HRK: variants seen among roughly 807,000 people sequenced by gnomAD.
The protein encoded by HRK is activator of apoptosis harakiri.
Under a neutral mutation model 5.9 loss-of-function variants are expected in HRK, and 6 were observed. That is an observed-to-expected ratio of 1.02 (90% confidence interval 0.56 to 2.01). The LOEUF (loss-of-function observed/expected upper bound fraction) is 2.01. Among genes scored for constraint, HRK ranks in the 30% most tolerant of loss-of-function variants. The pLI, the probability that HRK is intolerant of heterozygous loss-of-function variation, is 0.00. For missense variants in HRK, 133 were observed against 128.3 expected (o/e 1.04, Z -0.18); for synonymous variants, 85 against 65.1 (o/e 1.31, Z -1.47).
At chr12:116,861,554 G>A (rs1276520994) in intron 1 of HRK, 88 bp from the exon 2 acceptor site, 5 of 152,226 alleles carry the variant, frequency 3.3e-5, no homozygotes, top group South Asian at 2.1e-4. Context: ...GCTCAGCCCC[G>A]GATGTCGGGA....
chr12:116,877,922 T>C (rs1565885819), intron 1 of HRK, among the ~76,000 whole-genome samples: 1 of 152,240 alleles, frequency 6.6e-6, no homozygotes, highest in Non-Finnish European at 1.5e-5. Context: ...TAAATTATTA[T>C]TGAGATGGAG....
chr12:116,863,510 C>G (rs1878437172), intron 1 of HRK, among the ~76,000 whole-genome samples: 1 of 152,196 alleles, frequency 6.6e-6, no homozygotes. Context: ...CCTGCCCACG[C>G]CTTTGCTGTT....
intron 1 of HRK, among the ~76,000 whole-genome samples, chr12:116,877,217 ATTTTT>A (rs377267721): frequency 2.1e-5 from 3 of 143,268 alleles, no homozygotes; most frequent in Non-Finnish European, 4.6e-5. Flanking sequence ...TGCCCAGCTA[ATTTTT>A]TTTTTTTTTT....
At chr12:116,880,906 C>T (rs1055369898) in intron 1 of HRK, 70 bp downstream of exon 1, 6 of 635,086 alleles carry the variant, frequency 9.4e-6, no homozygotes, top group African/African-American at 3.9e-5. Context: ...CACTCTCCCG[C>T]TCCCGGGCCA....
rs1267020346 is a variant in HRK, at chr12:116,860,050, T to A, written c.*1473A>T. The stretch of plus-strand genomic sequence containing the variant: ...GCTAACCAGCCTGCTGGACCCTCTG[T>A]CTATAGGTACCGGGTGGTGACCTGC... On this transcript the variant is annotated 3_prime_UTR_variant, in exon 2 of 2. Transcript: ENST00000257572. The A allele has an allele frequency of 6.6e-6, 1 of 152,248 alleles. No homozygotes were observed. Among genetic ancestry groups the A allele is most frequent in the Non-Finnish European group, 1.5e-5 (1 of 68,064 alleles). The allele number at this position is 152,248 out of a possible 1,614,324, so 9.4% of individuals were successfully genotyped here.
Position 116,857,205 on chromosome 12 carries a change from C to T in HRK, c.*4318G>A, listed in dbSNP as rs1878182718. The T allele has an allele frequency of 6.6e-6, 1 of 152,350 alleles. No homozygotes were observed. Among genetic ancestry groups the T allele is most frequent in the East Asian group, 1.9e-4 (1 of 5,184 alleles). 9.4% of individuals were successfully genotyped at this position (152,350 alleles called of 1,614,324 possible). A position where few individuals can be genotyped will look rare whatever the true frequency, so the allele number is the denominator to read the frequency against. ...GCTTCCGAGCAGGACTGCCCCTCCACCATCCACAAGTCAAGTCTCTTCTGA... is the reference window on the plus strand; with the variant it reads ...GCTTCCGAGCAGGACTGCCCCTCCATCATCCACAAGTCAAGTCTCTTCTGA... On this transcript the variant is annotated 3_prime_UTR_variant, in exon 2 of 2. Transcript: ENST00000257572.
At position 116,871,917 on chromosome 12, in the gene HRK, C is replaced by CT. The variant is rs1162352715; in HGVS notation, c.*56+9058dup. Among the ~76,000 whole-genome samples, 955 of 140,696 alleles carry CT rather than the reference C, an allele frequency of 6.8e-3. 13 individuals carry two copies. Among genetic ancestry groups the CT allele is most frequent in the African/African-American group, 0.022 (831 of 38,524 alleles). The allele number at this position is 140,696 out of a possible 152,430, so 92.3% of individuals were successfully genotyped here. A position where few individuals can be genotyped will look rare whatever the true frequency, so the allele number is the denominator to read the frequency against. ...TTAAAAAAATTTGTTTTAATTAGTTCTTTTTTTTTTTTCTTTGAGATGGGG... is the reference window on the plus strand; with the variant it reads ...TTAAAAAAATTTGTTTTAATTAGTTCTTTTTTTTTTTTTCTTTGAGATGGGG... On this transcript the variant is annotated intron_variant, in intron 1 of 1. Transcript: ENST00000257572.
At chr12:116,875,999 C>T (rs554238447) in intron 1 of HRK, among the ~76,000 whole-genome samples, 1 of 152,284 alleles carries the variant, frequency 6.6e-6, no homozygotes, top group Admixed American at 6.5e-5. Flanking sequence ...TACCAAGAAA[C>T]GGAAGCCCCC....
At chr12:116,874,018 T>C (rs1487365542) in intron 1 of HRK, among the ~76,000 whole-genome samples, 1 of 152,120 alleles carries the variant, frequency 6.6e-6, no homozygotes, top group Non-Finnish European at 1.5e-5. Context: ...TCCACAATGT[T>C]CCCCTGGCAC....
chr12:116,869,125 C>T (rs1225111962), intron 1 of HRK, among the ~76,000 whole-genome samples: 1 of 152,100 alleles, frequency 6.6e-6, no homozygotes, highest in Non-Finnish European at 1.5e-5. Flanking sequence ...AGGTGTGTGC[C>T]ACAATGCCTG....
At position 116,858,109 on chromosome 12, in the gene HRK, A is replaced by G. The variant is rs1454567390; in HGVS notation, c.*3414T>C. The G allele has an allele frequency of 2.0e-5, 2 of 99,500 alleles. No individual in the cohort carries two copies. Among genetic ancestry groups the G allele is most frequent in the Non-Finnish European group, 3.9e-5 (2 of 50,814 alleles). 6.2% of individuals were successfully genotyped at this position (99,500 alleles called of 1,614,324 possible). ...AAAAGAAGTCCCCAGTATCCAAATG[A>G]AGGCGGCTAAAAAAAAAAAAAAAAA... On this transcript the variant is annotated 3_prime_UTR_variant, in exon 2 of 2. Transcript: ENST00000257572.
chr12:116,875,395 C>T (rs1206481233), intron 1 of HRK, among the ~76,000 whole-genome samples: 1 of 152,100 alleles, frequency 6.6e-6, no homozygotes, highest in Non-Finnish European at 1.5e-5. Context: ...AATGTGGGCT[C>T]CATGAAAGCA....
In HRK at chr12:116,881,086, C is replaced by T. The variant is rs545994190; in HGVS notation, c.222G>A (p.Ala74=). 1.7e-5 allele frequency: 23 copies of T among 1,339,968 alleles called. No homozygotes were observed. The highest frequency in any genetic ancestry group is 2.2e-5 in the Non-Finnish European group (23 of 1,047,190). 83.0% of individuals were successfully genotyped at this position (1,339,968 alleles called of 1,614,324 possible). The part of the protein sequence containing the change: ...ALPTYWPWLC[A]AAQVAALAAW... ...CCGCCAGCGCCGCCACCTGCGCGGC[C>T]GCGCACAGCCAAGGCCAGTAGGTGG... Residue 74 remains alanine (A), a synonymous_variant, in exon 1 of 2, where the codon GCG becomes GCA. Transcript: ENST00000257572.
chr12:116,871,277 T>C (rs1878739836), intron 1 of HRK, among the ~76,000 whole-genome samples: 1 of 151,528 alleles, frequency 6.6e-6, no homozygotes, highest in African/African-American at 2.4e-5. Context: ...TAAATATGTT[T>C]TGATATCAAA....
At position 116,879,542 on chromosome 12, in the gene HRK, C is replaced by T. The variant is rs995551287; in HGVS notation, c.*56+1434G>A. On this transcript the variant is annotated intron_variant, in intron 1 of 1. Transcript: ENST00000257572. The surrounding 1 kb of genome is among the most constrained non-coding windows in gnomAD (Gnocchi z 5.6). ...CCTGGCCCCTTTCAGTCGCGGGAGCCCCTGGCCTCTCCAACAGGAGAGAGA... is the reference window on the plus strand; with the variant it reads ...CCTGGCCCCTTTCAGTCGCGGGAGCTCCTGGCCTCTCCAACAGGAGAGAGA... 1 of 152,274 alleles carries T rather than the reference C, an allele frequency of 6.6e-6. No homozygotes were observed. Among genetic ancestry groups the T allele is most frequent in the Admixed American group, 6.5e-5 (1 of 15,290 alleles). The allele number at this position is 152,274 out of a possible 1,614,324, so 9.4% of individuals were successfully genotyped here. A position where few individuals can be genotyped will look rare whatever the true frequency, so the allele number is the denominator to read the frequency against.
chr12:116,867,307 A>G (rs907294330), intron 1 of HRK, among the ~76,000 whole-genome samples: 2 of 150,844 alleles, frequency 1.3e-5, no homozygotes, highest in Non-Finnish European at 3.0e-5. Context: ...ATGCCCCGCT[A>G]TTTTTTTTGT....
Position 116,858,657 on chromosome 12 carries a change from T to G in HRK, c.*2866A>C, listed in dbSNP as rs561963764. ...GCTGAAACCCGATATGAGGTCTTTT[T>G]TAAAATTTATTTCAAAGCCTCCCTC... On this transcript the variant is annotated 3_prime_UTR_variant, in exon 2 of 2. Transcript: ENST00000257572. The G allele has an allele frequency of 1.3e-5, 2 of 151,354 alleles. No individual in the cohort carries two copies. The highest frequency in any genetic ancestry group is 3.9e-4 in the East Asian group (2 of 5,092). The allele number at this position is 151,354 out of a possible 1,614,324, so 9.4% of individuals were successfully genotyped here.
At chr12:116,876,783 G>A (rs1878947363) in intron 1 of HRK, 1 of 152,388 alleles carries the variant, frequency 6.6e-6, no homozygotes, top group Non-Finnish European at 1.5e-5. Context: ...CAGCCTCAGA[G>A]GAGCCTCCCC....
intron 1 of HRK, among the ~76,000 whole-genome samples, chr12:116,872,810 CAG>C (rs994215807): frequency 4.6e-5 from 6 of 131,112 alleles, no homozygotes; most frequent in Non-Finnish European, 7.7e-5. Flanking sequence ...GAGACAGAAA[CAG>C]AGAGAGACAG....
Sources: gnomAD v4.1 joint callset for allele counts (sites outside exome capture counted in the v4.1 genomes callset) on GRCh38, gnomAD v4.1.1 for gene constraint, Gnocchi (gnomAD v3.1) non-coding constraint, MANE v1.5 for transcripts, NCBI Gene and HGNC (gene_info 2026-07-23, HGNC 2026-07-21) for gene names.